PCDHA12: variants seen among roughly 807,000 people sequenced by gnomAD.
The protein encoded by PCDHA12 is protocadherin alpha 12.
Under a neutral mutation model 60.0 loss-of-function variants are expected in PCDHA12, and 44 were observed. That is an observed-to-expected ratio of 0.73 (90% CI 0.58 to 0.94). The LOEUF is 0.94. Ranked by LOEUF, PCDHA12 falls within the 40% of genes least tolerant of loss-of-function variation. The pLI, the probability that PCDHA12 is intolerant of heterozygous loss-of-function variation, is 0.00. For missense variants in PCDHA12, 1,276 were observed against 1,239.7 expected (o/e 1.03, Z -0.44); for synonymous variants, 569 against 553.0 (o/e 1.03, Z -0.40).
intron 3 of PCDHA12, among the ~76,000 whole-genome samples, chr5:141,007,284 C>T (rs2098312696): frequency 6.6e-6 from 1 of 151,430 alleles, no homozygotes; most frequent in Admixed American, 6.6e-5. Context: ...GTGCAGTGGG[C>T]TCATGCCTGT....
At chr5:140,976,929 A>G (rs1289479026) in intron 1 of PCDHA12, among the ~76,000 whole-genome samples, 2 of 152,234 alleles carry the variant, frequency 1.3e-5, no homozygotes, top group South Asian at 2.1e-4. Flanking sequence ...AGTACTGTGT[A>G]GCTACTTAAA....
chr5:140,969,128 A>T (rs140518271), intron 1 of PCDHA12: 11 of 1,614,040 alleles, frequency 6.8e-6, no homozygotes, highest in Non-Finnish European at 9.3e-6. Context: ...TGGCTCCCTC[A>T]CCAAGACCTA....
Position 140,982,524 on chromosome 5 carries a change from C to T in PCDHA12, c.2476C>T (p.Pro826Ser). ...CATTCTACGGGCTGGTCCAGGAGGG[C>T]CTGATCAGCAGTGGCCAACAGTATC... ...AGILRAGPGG[P>S]DQQWPTVSSA... Residue 826 changes from proline to serine, a missense_variant, in exon 3 of 4, where the codon CCT (proline) becomes TCT (serine). Transcript: ENST00000398631. The T allele has an allele frequency of 6.2e-7, 1 of 1,614,170 alleles. No homozygotes were observed. Among genetic ancestry groups the T allele is most frequent in the Non-Finnish European group, 8.5e-7 (1 of 1,180,030 alleles).
intron 1 of PCDHA12, chr5:140,930,423 A>C (rs1366004853): frequency 6.6e-6 from 1 of 151,862 alleles, no homozygotes; most frequent in Non-Finnish European, 1.5e-5. Flanking sequence ...GGGTCTCACT[A>C]TGTTGCCCAG....
chr5:140,993,462 T>TCACACACACACACA (rs3836747), intron 3 of PCDHA12, among the ~76,000 whole-genome samples: 3 of 140,938 alleles, frequency 2.1e-5, no homozygotes, highest in African/African-American at 5.3e-5. Flanking sequence ...TCTTTCTTTC[T>TCACACACACACACA]CACACACACA....
intron 1 of PCDHA12, among the ~76,000 whole-genome samples, chr5:140,955,475 C>T (rs246017): frequency 0.56 from 85,566 of 151,816 alleles, 24,719 homozygotes; most frequent in African/African-American, 0.69. Context: ...TGCTTGGCAC[C>T]TCTCCTTCCT....
At chr5:140,915,683 G>A (rs1052949485) in intron 1 of PCDHA12, among the ~76,000 whole-genome samples, 1 of 150,776 alleles carries the variant, frequency 6.6e-6, no homozygotes, top group African/African-American at 2.4e-5. Context: ...TTGAACTAGG[G>A]GTATGGTGAT....
At chr5:140,927,040 A>G in intron 1 of PCDHA12, 1 of 1,612,350 alleles carries the variant, frequency 6.2e-7, no homozygotes, top group Non-Finnish European at 8.5e-7. Context: ...AGCGGCCGCT[A>G]TGTCCTCGCG....
At position 140,877,503 on chromosome 5, in the gene PCDHA12, G is replaced by A. The variant is rs1056644080; in HGVS notation, c.2031G>A (p.Lys677=). The change falls in exon 1 of 4, where the codon AAG becomes AAA. Residue 677 remains lysine (K), a synonymous_variant. Transcript: ENST00000398631. ...TGGTGGAGAACGGCCAGGCCCCAAA[G>A]ACGTCGTCGCGGGCCTCAGTGGGCG... ...VSLVENGQAP[K]TSSRASVGAV... is the part of the protein sequence containing the mutation. 3.6e-5 allele frequency: 58 copies of A among 1,613,716 alleles called. No individual in the cohort carries two copies. The highest frequency in any genetic ancestry group is 4.8e-5 in the Non-Finnish European group (57 of 1,179,880).
rs1554262627 is a variant in PCDHA12 at position 141,009,982 on chromosome 5, T to C, written c.*45T>C. On this transcript the variant is annotated 3_prime_UTR_variant, in exon 4 of 4. Transcript: ENST00000398631. ...GCCACTTAGCCAGTTTTTGTAATAA[T>C]GGCAAATCTCTCCCATGTAGCAATT... 1 of 1,582,572 alleles carries C rather than the reference T, an allele frequency of 6.3e-7. No homozygotes were observed. Among genetic ancestry groups the C allele is most frequent in the East Asian group, 2.2e-5 (1 of 44,666 alleles).
chr5:140,890,341 T>C (rs2062601372), intron 1 of PCDHA12, among the ~76,000 whole-genome samples: 1 of 152,190 alleles, frequency 6.6e-6, no homozygotes, highest in Non-Finnish European at 1.5e-5. Context: ...GTTGGGATGG[T>C]TTACTATATA....
At chr5:140,968,578 C>T in intron 1 of PCDHA12, 3 of 1,614,206 alleles carry the variant, frequency 1.9e-6, no homozygotes, top group Non-Finnish European at 2.5e-6. Context: ...GCTACCTGGT[C>T]ACCAAAGTCA....
chr5:140,899,551 GC>G (rs1220661801), intron 1 of PCDHA12, among the ~76,000 whole-genome samples: 12 of 152,288 alleles, frequency 7.9e-5, no homozygotes, highest in Middle Eastern at 6.8e-3. Context: ...TGGTGGATAA[GC>G]TTTTTGATGT....
intron 1 of PCDHA12, among the ~76,000 whole-genome samples, chr5:140,900,835 C>A (rs1023887892): frequency 1.3e-5 from 2 of 152,150 alleles, no homozygotes; most frequent in African/African-American, 4.8e-5. Flanking sequence ...CAACAATGTA[C>A]AAAGTTTCCC....
chr5:141,003,588 T>C (rs558863784), intron 3 of PCDHA12, among the ~76,000 whole-genome samples: 65 of 152,252 alleles, frequency 4.3e-4, no homozygotes, highest in African/African-American at 1.3e-3. Context: ...GCTGGGATTT[T>C]AGATGTGAGC....
chr5:140,927,453 G>T, intron 1 of PCDHA12: 3 of 1,614,168 alleles, frequency 1.9e-6, no homozygotes, highest in Non-Finnish European at 2.5e-6. Context: ...AGTTGGTGTT[G>T]GAGAAAGCAC....
At position 140,876,802 on chromosome 5, in the gene PCDHA12, G is replaced by C; in HGVS notation, c.1330G>C (p.Glu444Gln). ...GTGGGCCACGGCTAGAGTGTCCGTG[G>C]AGGTGGCCGACGTGAACGACAATGC... is the stretch of plus-strand genomic sequence containing the variant. The part of the protein sequence containing the change: ...SLWATARVSV[E>Q]VADVNDNAPA... Residue 444 changes from glutamate to glutamine, a missense_variant, in exon 1 of 4, where the codon GAG becomes CAG. Transcript: ENST00000398631. 1.2e-6 allele frequency: 2 copies of C among 1,614,248 alleles called. No individual in the cohort carries two copies.
chr5:140,932,016 G>A lies in PCDHA12; in HGVS notation c.2368-46933G>A, dbSNP rs73266047. Among the ~76,000 whole-genome samples, 510 of 151,544 alleles carry A rather than the reference G, an allele frequency of 3.4e-3. 2 individuals carry two copies. Among genetic ancestry groups the A allele is most frequent in the African/African-American group, 0.012 (481 of 41,364 alleles). ...TCTAAGTTCTTTCATTTTAGTTTAC[G>A]GTAAGTTTACAGTATATATTAACAT... On this transcript the variant is annotated intron_variant, in intron 1 of 3. Transcript: ENST00000398631.
chr5:141,002,437 T>C (rs1238744621), intron 3 of PCDHA12, among the ~76,000 whole-genome samples: 1 of 152,186 alleles, frequency 6.6e-6, no homozygotes, highest in Non-Finnish European at 1.5e-5. Context: ...GCAATAACCA[T>C]AATAATTGGC....
Sources: gnomAD v4.1 joint callset for allele counts (sites outside exome capture counted in the v4.1 genomes callset) on GRCh38, gnomAD v4.1.1 for gene constraint, MANE v1.5 for transcripts, NCBI Gene and HGNC (gene_info 2026-07-23, HGNC 2026-07-21) for gene names.